The following CLSTN2 variants were observed in gnomAD, a reference collection of about 807,000 sequenced individuals.
The protein encoded by CLSTN2 is calsyntenin 2.
A neutral mutation model predicts 101.2 loss-of-function variants in CLSTN2; 48 were observed. The observed-to-expected ratio is 0.47, with a 90% CI of 0.38 to 0.60. CLSTN2 has a LOEUF of 0.60. CLSTN2 is among the 20% of genes least tolerant of loss of function. The pLI is 0.00. For synonymous variants in CLSTN2, 481 were observed against 463.6 expected, an observed-to-expected ratio of 1.04 and a Z score of -0.48; for missense variants, 1,160 against 1,238.2, an observed-to-expected ratio of 0.94 and a Z score of 0.95.
chr3:140,411,054 G>A (rs1217933450), intron 4 of CLSTN2, among the ~76,000 whole-genome samples: 1 of 152,066 alleles, frequency 6.6e-6, no homozygotes, highest in Non-Finnish European at 1.5e-5. Context: ...ACCAGCAAAG[G>A]TTGACAAAAT....
At chr3:140,260,618 A>C in intron 2 of CLSTN2, among the ~76,000 whole-genome samples, 1 of 152,154 alleles carries the variant, frequency 6.6e-6, no homozygotes, top group East Asian at 1.9e-4. Context: ...CAGTTTTTTT[A>C]TTCATAGCTT....
At chr3:140,473,804 C>G (rs1209892253) in intron 8 of CLSTN2, among the ~76,000 whole-genome samples, 2 of 151,932 alleles carry the variant, frequency 1.3e-5, no homozygotes, top group African/African-American at 4.8e-5. Context: ...GTTGCCCAGG[C>G]TGGAGTGCAG....
chr3:139,967,866 C>A (rs1203537538), intron 1 of CLSTN2, among the ~76,000 whole-genome samples: 1 of 152,060 alleles, frequency 6.6e-6, no homozygotes, highest in Non-Finnish European at 1.5e-5. Context: ...AGAAACTACC[C>A]ATTTTTCAGG....
At chr3:140,292,006 G>C (rs1343747970) in intron 2 of CLSTN2, among the ~76,000 whole-genome samples, 3 of 151,998 alleles carry the variant, frequency 2.0e-5, no homozygotes, top group African/African-American at 7.3e-5. Flanking sequence ...TCCACTCAAA[G>C]CTGGAGGATC....
At chr3:140,505,714 ACT>A (rs1226608329) in intron 8 of CLSTN2, 5 of 152,088 alleles carry the variant, frequency 3.3e-5, no homozygotes, top group Non-Finnish European at 7.4e-5. Context: ...CACTGAGATT[ACT>A]CTGTTATTTT....
chr3:140,321,877 C>T (rs556426619), intron 2 of CLSTN2, among the ~76,000 whole-genome samples: 18 of 152,322 alleles, frequency 1.2e-4, no homozygotes, highest in South Asian at 4.1e-4. Flanking sequence ...TCCTTGAGAA[C>T]GCAGGCTCGT....
intron 2 of CLSTN2, among the ~76,000 whole-genome samples, chr3:140,293,647 A>G (rs2086975083): frequency 6.6e-6 from 1 of 152,154 alleles, no homozygotes; most frequent in South Asian, 2.1e-4. Flanking sequence ...ATGAGTTGAG[A>G]GAGTCCCAGG....
intron 1 of CLSTN2, among the ~76,000 whole-genome samples, chr3:140,104,828 G>C (rs2009025063): frequency 6.6e-6 from 1 of 152,150 alleles, no homozygotes; most frequent in Non-Finnish European, 1.5e-5. Flanking sequence ...ACAAAAATTA[G>C]CCAGGCATGG....
intron 2 of CLSTN2, among the ~76,000 whole-genome samples, chr3:140,206,559 A>G (rs950384816): frequency 2.0e-5 from 3 of 152,206 alleles, no homozygotes; most frequent in African/African-American, 7.2e-5. Context: ...CGTGAAAACC[A>G]AACACTGGGC....
chr3:140,018,601 G>T (rs1371837547), intron 1 of CLSTN2, among the ~76,000 whole-genome samples: 1 of 152,214 alleles, frequency 6.6e-6, no homozygotes, highest in Non-Finnish European at 1.5e-5. Context: ...GTGGAAGAAA[G>T]TAGGTAGTCT....
At chr3:140,024,325 C>A (rs2007376564) in intron 1 of CLSTN2, among the ~76,000 whole-genome samples, 1 of 152,192 alleles carries the variant, frequency 6.6e-6, no homozygotes, top group Admixed American at 6.5e-5. Flanking sequence ...TCTGCCTTTT[C>A]TTGTATCTGT....
intron 8 of CLSTN2, among the ~76,000 whole-genome samples, chr3:140,521,015 A>T (rs891600572): frequency 6.8e-6 from 1 of 147,154 alleles, no homozygotes; most frequent in African/African-American, 2.5e-5. Context: ...ATCAGCTCCC[A>T]TATCGTTTTA....
rs34907334 is a variant in CLSTN2 at position 140,478,872 on chromosome 3, GAGGAAGGAAGGAAGGAAGGA to G, written c.1344+12157_1344+12176del. Among the ~76,000 whole-genome samples the G allele has an allele frequency of 4.2e-5, 6 of 141,518 alleles. 1 individual carries two copies. In the South Asian group the frequency reaches 1.2e-3, roughly 28 times the overall value. 92.8% of individuals were successfully genotyped at this position (141,518 alleles called of 152,430 possible). On this transcript the variant is annotated intron_variant, in intron 8 of 16. Coordinates refer to ENST00000458420, the MANE Select transcript of CLSTN2 (RefSeq NM_022131.3). Reference sequence around the variant, plus strand: ...AGAAAGGAAGGAAGGAAGGGGGAAGGAGGAAGGAAGGAAGGAAGGAAGGAAGGAAGGAAGGGAGGCAGGCA... The same window carrying G: ...AGAAAGGAAGGAAGGAAGGGGGAAGGAGGAAGGAAGGAAGGGAGGCAGGCA...
At position 140,427,521 on chromosome 3, in the gene CLSTN2, A is replaced by G. The variant is rs551514675; in HGVS notation, c.787+6247A>G. On this transcript the variant is annotated intron_variant, in intron 5 of 16. Transcript: ENST00000458420. The stretch of plus-strand genomic sequence containing the variant: ...GTCTAGTGGGCAGTGGGATTGTCAC[A>G]TCTGATGCTTAGGAGACAGGTATGT... Among the ~76,000 whole-genome samples the G allele has an allele frequency of 3.2e-4, 49 of 152,076 alleles. No individual in the cohort carries two copies. In the South Asian group the frequency reaches 7.3e-3, roughly 23 times the overall value.
intron 2 of CLSTN2, among the ~76,000 whole-genome samples, chr3:140,184,737 C>T (rs1576459347): frequency 6.6e-6 from 1 of 152,104 alleles, no homozygotes; most frequent in Non-Finnish European, 1.5e-5. Flanking sequence ...TATTCATACC[C>T]CTATTTCATG....
At chr3:140,332,732 G>T (rs895658316) in intron 2 of CLSTN2, among the ~76,000 whole-genome samples, 2 of 151,362 alleles carry the variant, frequency 1.3e-5, no homozygotes, top group Non-Finnish European at 2.9e-5. Flanking sequence ...TTATAGGAAG[G>T]ATCCCTTTGC....
At chr3:140,435,796 T>G (rs3909791) in intron 5 of CLSTN2, among the ~76,000 whole-genome samples, 24,051 of 152,222 alleles carry the variant, frequency 0.16, 2,451 homozygotes, top group South Asian at 0.33. Flanking sequence ...ATTGCAGTTA[T>G]GATTTGCATT....
intron 1 of CLSTN2, among the ~76,000 whole-genome samples, chr3:140,114,910 G>C (rs925594830): frequency 6.6e-6 from 1 of 152,018 alleles, no homozygotes; most frequent in African/African-American, 2.4e-5. Context: ...AGGAGCCATT[G>C]CTGGGACACT....
At chr3:139,949,258 C>A (rs183799251) in intron 1 of CLSTN2, among the ~76,000 whole-genome samples, 2 of 152,210 alleles carry the variant, frequency 1.3e-5, no homozygotes, top group Non-Finnish European at 2.9e-5. Flanking sequence ...CTCGGTCTAA[C>A]GCTATGGATG....
Sources: gnomAD v4.1 joint callset for allele counts (sites outside exome capture counted in the v4.1 genomes callset) on GRCh38, gnomAD v4.1.1 for gene constraint, MANE v1.5 for transcripts, NCBI Gene and HGNC (gene_info 2026-07-23, HGNC 2026-07-21) for gene names.